Variants in PDZRN4 observed in about 807,000 individuals in gnomAD.
PDZRN4 encodes the protein PDZ domain containing ring finger 4, also known as PDZ domain-containing RING finger protein 4.
A neutral mutation model predicts 99.0 loss-of-function variants in PDZRN4; 70 were observed. That is an observed-to-expected ratio of 0.71 (90% CI 0.58 to 0.86). PDZRN4 has a LOEUF of 0.86. PDZRN4 is among the 40% of genes least tolerant of loss of function. The probability of loss-of-function intolerance (pLI) is 0.00; values close to 1 mark genes in which losing one functional copy is unlikely to be tolerated. For synonymous variants in PDZRN4, 551 were observed against 501.6 expected (o/e 1.10, Z -1.32); for missense variants, 1,474 against 1,331.2 (o/e 1.11, Z -1.67).
intron 3 of PDZRN4, among the ~76,000 whole-genome samples, chr12:41,336,307 A>G (rs759439233): frequency 1.3e-5 from 2 of 152,118 alleles, no homozygotes; most frequent in Non-Finnish European, 2.9e-5. Flanking sequence ...TGACCATTGT[A>G]TGTCACTGGC....
At chr12:41,218,009 T>A (rs1361836315) in intron 3 of PDZRN4, among the ~76,000 whole-genome samples, 1 of 152,116 alleles carries the variant, frequency 6.6e-6, no homozygotes, top group Non-Finnish European at 1.5e-5. Context: ...GCTGTGGAAA[T>A]GAATTCATTC....
intron 3 of PDZRN4, among the ~76,000 whole-genome samples, chr12:41,208,917 T>A (rs1056436419): frequency 3.3e-5 from 5 of 151,952 alleles, no homozygotes; most frequent in African/African-American, 1.2e-4. Flanking sequence ...ACATAAAAGA[T>A]AATGAATTTT....
intron 5 of PDZRN4, among the ~76,000 whole-genome samples, chr12:41,529,271 A>G (rs1405151845): frequency 6.6e-6 from 1 of 151,978 alleles, no homozygotes; most frequent in Non-Finnish European, 1.5e-5. Context: ...AAGTGTACCA[A>G]ATTACTGTCT....
At chr12:41,441,027 T>C (rs570155116) in intron 3 of PDZRN4, among the ~76,000 whole-genome samples, 34 of 152,188 alleles carry the variant, frequency 2.2e-4, no homozygotes, top group Non-Finnish European at 3.4e-4. Flanking sequence ...TCTAATGACG[T>C]TTAAGCTTGA....
chr12:41,343,825 A>G (rs1297690329), intron 3 of PDZRN4, among the ~76,000 whole-genome samples: 1 of 152,010 alleles, frequency 6.6e-6, no homozygotes, highest in Non-Finnish European at 1.5e-5. Flanking sequence ...ATATATATAT[A>G]TGAAAACATC....
intron 3 of PDZRN4, among the ~76,000 whole-genome samples, chr12:41,479,161 T>C (rs1274061311): frequency 6.6e-6 from 1 of 152,156 alleles, no homozygotes; most frequent in Non-Finnish European, 1.5e-5. Flanking sequence ...TGAGATACAG[T>C]AGGGGACAGA....
chr12:41,539,019 G>T (rs1938799263), intron 5 of PDZRN4, among the ~76,000 whole-genome samples: 1 of 151,974 alleles, frequency 6.6e-6, no homozygotes, highest in Non-Finnish European at 1.5e-5. Context: ...TATAAATCCA[G>T]GAGGTACAGG....
In PDZRN4 at chr12:41,314,446, A is replaced by G. The variant is rs147406046; in HGVS notation, c.843+120258A>G. 7.3e-3 allele frequency among the ~76,000 whole-genome samples: 1,111 copies of G among 152,260 alleles called. 12 individuals carry two copies. The highest frequency in any genetic ancestry group is 0.018 in the South Asian group (86 of 4,822). ...ACAAAGACTTTGAAAATTACAATAC[A>G]CTGTAAGTAGTACAATTTACAGATG... is the stretch of plus-strand genomic sequence containing the variant. On this transcript the variant is annotated intron_variant, in intron 3 of 9. Coordinates refer to ENST00000402685, the MANE Select transcript of PDZRN4 (RefSeq NM_001164595.2).
chr12:41,387,250 G>T (rs1007471063), intron 3 of PDZRN4, among the ~76,000 whole-genome samples: 1 of 151,956 alleles, frequency 6.6e-6, no homozygotes, highest in African/African-American at 2.4e-5. Context: ...CATCTATAAG[G>T]AACTTAAACA....
At chr12:41,494,561 G>A (rs952904449) in intron 3 of PDZRN4, among the ~76,000 whole-genome samples, 10 of 151,606 alleles carry the variant, frequency 6.6e-5, no homozygotes, top group African/African-American at 2.2e-4. Flanking sequence ...AATAGCATCA[G>A]TTGCTATTTT....
chr12:41,219,811 T>C (rs971741624), intron 3 of PDZRN4, among the ~76,000 whole-genome samples: 2 of 152,158 alleles, frequency 1.3e-5, no homozygotes, highest in Non-Finnish European at 2.9e-5. Context: ...CCACAAATTT[T>C]ATTAGGAATT....
At chr12:41,270,576 C>T (rs941828190) in intron 3 of PDZRN4, among the ~76,000 whole-genome samples, 4 of 152,024 alleles carry the variant, frequency 2.6e-5, no homozygotes, top group African/African-American at 9.7e-5. Context: ...AGTGAAGATA[C>T]AAAATTGGAA....
At chr12:41,396,661 A>C (rs922079889) in intron 3 of PDZRN4, among the ~76,000 whole-genome samples, 5 of 152,154 alleles carry the variant, frequency 3.3e-5, no homozygotes, top group Admixed American at 6.6e-5. Context: ...AACTGAGGGA[A>C]GATCCACTTC....
chr12:41,369,516 A>C (rs758543585), intron 3 of PDZRN4, among the ~76,000 whole-genome samples: 6 of 151,840 alleles, frequency 4.0e-5, no homozygotes, highest in Non-Finnish European at 8.8e-5. Context: ...TTTTCATTTC[A>C]TTAATATTTT....
intron 3 of PDZRN4, among the ~76,000 whole-genome samples, chr12:41,455,606 C>T (rs536609538): frequency 1.3e-5 from 2 of 152,200 alleles, no homozygotes; most frequent in East Asian, 1.9e-4. Flanking sequence ...TTGTACTGAA[C>T]CTTCTTTCAA....
intron 3 of PDZRN4, among the ~76,000 whole-genome samples, chr12:41,363,618 G>T: frequency 9.1e-6 from 1 of 109,328 alleles, no homozygotes; most frequent in South Asian, 2.9e-4. Context: ...CATTTATTCA[G>T]ATTTCATTTG....
chr12:41,450,930 TACAA>T (rs538704731), intron 3 of PDZRN4, among the ~76,000 whole-genome samples: 50 of 151,934 alleles, frequency 3.3e-4, no homozygotes, highest in Admixed American at 9.2e-4. Context: ...CCTGTCTCAA[TACAA>T]ACAAACAAAC....
chr12:41,436,324 C>T (rs1952629191), intron 3 of PDZRN4, among the ~76,000 whole-genome samples: 1 of 152,184 alleles, frequency 6.6e-6, no homozygotes, highest in African/African-American at 2.4e-5. Flanking sequence ...CATCTCCTTG[C>T]TACTTGCTGG....
chr12:41,497,983 T>A (rs1031847169), intron 3 of PDZRN4, among the ~76,000 whole-genome samples: 3 of 152,082 alleles, frequency 2.0e-5, no homozygotes, highest in Non-Finnish European at 2.9e-5. Context: ...TATGAAACTT[T>A]TTTTTCAGTT....
Sources: allele counts gnomAD v4.1 joint callset (sites outside exome capture counted in the v4.1 genomes callset), GRCh38; gene constraint gnomAD v4.1.1; transcripts MANE v1.5; gene names NCBI Gene and HGNC (gene_info 2026-07-23, HGNC 2026-07-21).